The following PCDHB13 variants were observed in gnomAD, a reference collection of about 807,000 sequenced individuals.
The protein encoded by PCDHB13 is protocadherin beta-13.
For synonymous variants in PCDHB13, 515 were observed against 450.7 expected (o/e 1.14, Z -1.81); for missense variants, 1,065 against 1,016.7 (o/e 1.05, Z -0.65).
rs781902136 is a variant in PCDHB13 at position 141,215,614 on chromosome 5, C to T, written c.1491C>T (p.His497=). The T allele has an allele frequency of 1.9e-6, 3 of 1,613,350 alleles. No homozygotes were observed. Among genetic ancestry groups the T allele is most frequent in the Non-Finnish European group, 1.7e-6 (2 of 1,180,012 alleles). ...CGCTGCTGCCGCCCCAGGACCCGCA[C>T]CTGCCCCTCACATCCCTGGTCTCCA... ...TYSLLPPQDP[H]LPLTSLVSIN... Residue 497 remains histidine, a synonymous_variant, in exon 1 of 1, where the codon CAC becomes CAT. Coordinates refer to ENST00000341948, the MANE Select transcript of PCDHB13 (RefSeq NM_018933.4).
Position 141,216,542 on chromosome 5 carries a change from C to T in PCDHB13, c.*22C>T, listed in dbSNP as rs202143061. The stretch of plus-strand genomic sequence containing the variant: ...GTGACCATAGTTGACTTTTACATTC[C>T]ATAGGTATTTTATTTTGTGGCATTT... On this transcript the variant is annotated 3_prime_UTR_variant, in exon 1 of 1. Coordinates refer to ENST00000341948, the MANE Select transcript of PCDHB13 (RefSeq NM_018933.4). 940 of 1,563,332 alleles carry T rather than the reference C, an allele frequency of 6.0e-4. No homozygotes were observed. The highest frequency in any genetic ancestry group is 7.5e-4 in the Non-Finnish European group (855 of 1,133,710).
Position 141,215,203 on chromosome 5 carries a change from C to G in PCDHB13, c.1080C>G (p.Asn360Lys), listed in dbSNP as rs111778165. 1 of 1,613,848 alleles carries G rather than the reference C, an allele frequency of 6.2e-7. No individual in the cohort carries two copies. Among genetic ancestry groups the G allele is most frequent in the Admixed American group, 1.7e-5 (1 of 59,980 alleles). ...CATTTACCAGCCCAATACCTGAGAACGCGCCTGAAACTGTGGTTGCACTTT... is the reference window on the plus strand; with the variant it reads ...CATTTACCAGCCCAATACCTGAGAAGGCGCCTGAAACTGTGGTTGCACTTT... ...MSAFTSPIPE[N>K]APETVVALFS... Residue 360 changes from asparagine (N) to lysine (K), a missense_variant, in exon 1 of 1, where the codon AAC (asparagine) becomes AAG (lysine). By Grantham distance (94) the Asn-to-Lys change is moderately conservative. Transcript: ENST00000341948.
rs781971857 is a variant in PCDHB13 at position 141,214,171 on chromosome 5, T to C, written c.48T>C (p.Phe16=). The C allele has an allele frequency of 1.9e-5, 31 of 1,613,330 alleles. No individual in the cohort carries two copies. The highest frequency in any genetic ancestry group is 2.5e-5 in the Non-Finnish European group (29 of 1,179,734). Reference sequence around the variant, plus strand: ...TTTGCAGACAAAGGCAAGTCCTTTTTTCCTTTCTCCTTTTGGGCTTATCTC... The same window carrying C: ...TTTGCAGACAAAGGCAAGTCCTTTTCTCCTTTCTCCTTTTGGGCTTATCTC... ...KLICRQRQVL[F]SFLLLGLSLA... Residue 16 remains phenylalanine (F), a synonymous_variant, in exon 1 of 1, where the codon TTT becomes TTC. Transcript: ENST00000341948.
rs782732101 is a variant in PCDHB13 at position 141,215,713 on chromosome 5, C to A, written c.1590C>A (p.Arg530=). ...DYEALQGFQF[R]VGASDHGSPA... is the part of the protein sequence containing the mutation. ...AGGCCCTGCAGGGGTTCCAGTTCCG[C>A]GTGGGCGCTTCAGACCACGGCTCCC... The change falls in exon 1 of 1, where the codon CGC becomes CGA. Residue 530 remains arginine, a synonymous_variant. Coordinates refer to ENST00000341948, the MANE Select transcript of PCDHB13 (RefSeq NM_018933.4). 2 of 1,612,670 alleles carry A rather than the reference C, an allele frequency of 1.2e-6. No homozygotes were observed. The highest frequency in any genetic ancestry group is 1.7e-6 in the Non-Finnish European group (2 of 1,179,888).
In PCDHB13 at chr5:141,215,734, C is replaced by A; in HGVS notation, c.1611C>A (p.Gly537=). 6.2e-7 allele frequency: 1 copy of A among 1,612,306 alleles called. No individual in the cohort carries two copies. Among genetic ancestry groups the A allele is most frequent in the Non-Finnish European group, 8.5e-7 (1 of 1,179,842 alleles). Residue 537 remains glycine, a synonymous_variant, in exon 1 of 1, where the codon GGC becomes GGA. Transcript: ENST00000341948. Reference sequence around the variant, plus strand: ...TCCGCGTGGGCGCTTCAGACCACGGCTCCCCGGCGCTGAGCAGCGAGGCGC... The same window carrying A: ...TCCGCGTGGGCGCTTCAGACCACGGATCCCCGGCGCTGAGCAGCGAGGCGC... ...FQFRVGASDH[G]SPALSSEALV...
Position 141,215,497 on chromosome 5 carries a change from G to T in PCDHB13, c.1374G>T (p.Leu458=), listed in dbSNP as rs781812066. The change falls in exon 1 of 1, where the codon CTG becomes CTT. Residue 458 remains leucine (L), a synonymous_variant. Transcript: ENST00000341948. ...APAFTQTSYT[L]FVRENNSPAL... is the part of the protein sequence containing the mutation. ...CCTTCACCCAAACCTCCTACACCCT[G>T]TTCGTCCGCGAGAACAACAGCCCCG... 4 of 1,614,050 alleles carry T rather than the reference G, an allele frequency of 2.5e-6. No homozygotes were observed. In the Admixed American group the frequency reaches 5.0e-5, roughly 20 times the overall value.
At position 141,214,449 on chromosome 5, in the gene PCDHB13, T is replaced by G; in HGVS notation, c.326T>G (p.Val109Gly). 2 of 1,517,994 alleles carry G rather than the reference T, an allele frequency of 1.3e-6. No individual in the cohort carries two copies. The highest frequency in any genetic ancestry group is 1.8e-6 in the Non-Finnish European group (2 of 1,097,030). 94.0% of individuals were successfully genotyped at this position (1,517,994 alleles called of 1,614,324 possible). A position where few individuals can be genotyped will look rare whatever the true frequency, so the allele number is the denominator to read the frequency against. The stretch of plus-strand genomic sequence containing the variant: ...GAGCCCTGTGTGCTACGTTTCCAAG[T>G]GTTGCTAGAGAGTCCCTTCGAGTTT... ...HTEPCVLRFQ[V>G]LLESPFEFFQ... Residue 109 changes from valine (V) to glycine (G), a missense_variant, in exon 1 of 1, where the codon GTG (valine) becomes GGG (glycine). Physicochemically the swap from Val to Gly is moderately radical, Grantham distance 109 (BLOSUM62 -3). Transcript: ENST00000341948.
At position 141,215,172 on chromosome 5, in the gene PCDHB13, T is replaced by C. The variant is rs199669344; in HGVS notation, c.1049T>C (p.Met350Thr). ...DVNDHAPEVTMSAFTSPIPEN... is the reference protein window; with the variant it reads ...DVNDHAPEVTTSAFTSPIPEN... ...AACGACCATGCCCCAGAAGTTACCA[T>C]GTCTGCATTTACCAGCCCAATACCT... The change falls in exon 1 of 1, where the codon ATG becomes ACG. Residue 350 changes from methionine to threonine, a missense_variant. By Grantham distance (81) the Met-to-Thr change is moderately conservative. Transcript: ENST00000341948. 6 of 1,614,208 alleles carry C rather than the reference T, an allele frequency of 3.7e-6. No individual in the cohort carries two copies. The highest frequency in any genetic ancestry group is 4.5e-5 in the East Asian group (2 of 44,882).
Position 141,214,119 on chromosome 5 carries a change from G to C in PCDHB13, c.-5G>C. 3.1e-6 allele frequency: 5 copies of C among 1,614,144 alleles called. No individual in the cohort carries two copies. Among genetic ancestry groups the C allele is most frequent in the Non-Finnish European group, 4.2e-6 (5 of 1,180,030 alleles). On this transcript the variant is annotated 5_prime_UTR_variant, in exon 1 of 1. Transcript: ENST00000341948. ...CCTCCCAGGAAGCTGAATCCAGCAAGAACAATGGAGGCCAGCGGGAAGCTC... is the reference window on the plus strand; with the variant it reads ...CCTCCCAGGAAGCTGAATCCAGCAACAACAATGGAGGCCAGCGGGAAGCTC...
chr5:141,215,752 C>A lies in PCDHB13; in HGVS notation c.1629C>A (p.Ser543Arg), dbSNP rs150315174. Residue 543 changes from serine to arginine, a missense_variant, in exon 1 of 1, where the codon AGC becomes AGA. Coordinates refer to ENST00000341948, the MANE Select transcript of PCDHB13 (RefSeq NM_018933.4). ...ACCACGGCTCCCCGGCGCTGAGCAG[C>A]GAGGCGCTGGTGCGCGTGGTGGTGC... ...ASDHGSPALS[S>R]EALVRVVVLD... The A allele has an allele frequency of 4.4e-3, 7,081 of 1,612,040 alleles. 20 individuals carry two copies. The highest frequency in any genetic ancestry group is 5.4e-3 in the Non-Finnish European group (6,338 of 1,179,780).
rs782139660 is a variant in PCDHB13 at position 141,214,509 on chromosome 5, A to T, written c.386A>T (p.Asp129Val). The T allele has an allele frequency of 1.2e-6, 2 of 1,609,336 alleles. No individual in the cohort carries two copies. Among genetic ancestry groups the T allele is most frequent in the East Asian group, 2.2e-5 (1 of 44,838 alleles). The change falls in exon 1 of 1, where the codon GAC (aspartate) becomes GTC (valine). Residue 129 changes from aspartate to valine, a missense_variant. Transcript: ENST00000341948. ...GAGCTGCAAGTAATAGACATAAACGACCACTCTCCAGTATTTCTGGACAAA... is the reference window on the plus strand; with the variant it reads ...GAGCTGCAAGTAATAGACATAAACGTCCACTCTCCAGTATTTCTGGACAAA... The part of the protein sequence containing the change: ...QAELQVIDIN[D>V]HSPVFLDKQM...
chr5:141,214,035 G>A lies in PCDHB13; in HGVS notation c.-89G>A, dbSNP rs1754514689. 10 of 1,548,146 alleles carry A rather than the reference G, an allele frequency of 6.5e-6. No homozygotes were observed. In the South Asian group the frequency reaches 9.2e-5, roughly 14 times the overall value. Reference sequence around the variant, plus strand: ...GACTACTCACTGGCATATTTCTGAGGTATCTGTAGAATAACCACAGCCTCA... The same window carrying A: ...GACTACTCACTGGCATATTTCTGAGATATCTGTAGAATAACCACAGCCTCA... On this transcript the variant is annotated 5_prime_UTR_variant, in exon 1 of 1. Coordinates refer to ENST00000341948, the MANE Select transcript of PCDHB13 (RefSeq NM_018933.4).
Position 141,214,007 on chromosome 5 carries a change from G to C in PCDHB13, c.-117G>C. 9.6e-7 allele frequency: 1 copy of C among 1,038,398 alleles called. No homozygotes were observed. 64.3% of individuals were successfully genotyped at this position (1,038,398 alleles called of 1,614,324 possible). ...AGGGAGGACGGCTGGGTCCTCTGGA[G>C]AGGACTACTCACTGGCATATTTCTG... On this transcript the variant is annotated 5_prime_UTR_variant, in exon 1 of 1. Transcript: ENST00000341948.
At position 141,215,492 on chromosome 5, in the gene PCDHB13, A is replaced by T; in HGVS notation, c.1369A>T (p.Thr457Ser). 6.2e-7 allele frequency: 1 copy of T among 1,613,878 alleles called. No homozygotes were observed. The highest frequency in any genetic ancestry group is 8.5e-7 in the Non-Finnish European group (1 of 1,179,962). Residue 457 changes from threonine (T) to serine (S), a missense_variant, in exon 1 of 1, where the codon ACC becomes TCC. Physicochemically the swap from Thr to Ser is moderately conservative, Grantham distance 58 (BLOSUM62 1). Transcript: ENST00000341948. ...TCCCGCCTTCACCCAAACCTCCTAC[A>T]CCCTGTTCGTCCGCGAGAACAACAG... ...NAPAFTQTSY[T>S]LFVRENNSPA...
Position 141,216,127 on chromosome 5 carries a change from G to A in PCDHB13, c.2004G>A (p.Gln668=). 6.2e-7 allele frequency: 1 copy of A among 1,610,020 alleles called. No individual in the cohort carries two copies. Among genetic ancestry groups the A allele is most frequent in the Non-Finnish European group, 8.5e-7 (1 of 1,179,762 alleles). Residue 668 remains glutamine, a synonymous_variant, in exon 1 of 1, where the codon CAG becomes CAA. Coordinates refer to ENST00000341948, the MANE Select transcript of PCDHB13 (RefSeq NM_018933.4). ...LHVLLVDGFS[Q]PYLPLPEAAP... ...TGCTCCTGGTGGACGGCTTCTCCCAGCCCTACCTGCCTCTCCCGGAGGCGG... is the reference window on the plus strand; with the variant it reads ...TGCTCCTGGTGGACGGCTTCTCCCAACCCTACCTGCCTCTCCCGGAGGCGG...
rs374432821 is a variant in PCDHB13, at chr5:141,215,663, T to C, written c.1540T>C (p.Phe514Leu). Residue 514 changes from phenylalanine to leucine, a missense_variant, in exon 1 of 1, where the codon TTC (phenylalanine) becomes CTC (leucine). Phe to Leu is a conservative substitution (Grantham distance 22). Transcript: ENST00000341948. ...CATCAACGCGGACAACGGCCACCTGTTCGCCCTCAGGTCTCTGGACTACGA... is the reference window on the plus strand; with the variant it reads ...CATCAACGCGGACAACGGCCACCTGCTCGCCCTCAGGTCTCTGGACTACGA... Reference protein sequence around the residue: ...VSINADNGHLFALRSLDYEAL... With the variant: ...VSINADNGHLLALRSLDYEAL... The C allele has an allele frequency of 6.2e-7, 1 of 1,613,278 alleles. No homozygotes were observed. The highest frequency in any genetic ancestry group is 1.3e-5 in the African/African-American group (1 of 74,926).
Position 141,215,859 on chromosome 5 carries a change from C to T in PCDHB13, c.1736C>T (p.Ala579Val), listed in dbSNP as rs1243709145. 16 of 1,607,530 alleles carry T rather than the reference C, an allele frequency of 1.0e-5. No homozygotes were observed. The highest frequency in any genetic ancestry group is 1.4e-5 in the Non-Finnish European group (16 of 1,178,632). Residue 579 changes from alanine to valine, a missense_variant, in exon 1 of 1, where the codon GCG (alanine) becomes GTG (valine). By Grantham distance (64) the Ala-to-Val change is moderately conservative. Transcript: ENST00000341948. ...CCCTGCACCGAGCTGGTGCCCCGGG[C>T]GGCCGAGCCGGGCTACCTGGTGACC... is the stretch of plus-strand genomic sequence containing the variant. ...SAPCTELVPR[A>V]AEPGYLVTKV... is the part of the protein sequence containing the mutation.
chr5:141,215,068 C>A lies in PCDHB13; in HGVS notation c.945C>A (p.Ser315=), dbSNP rs782762792. 6.2e-7 allele frequency: 1 copy of A among 1,614,114 alleles called. No individual in the cohort carries two copies. ...KKQLDFEKLQ[S]YEVNIEARDA... is the part of the protein sequence containing the mutation. Reference sequence around the variant, plus strand: ...AACTCGATTTCGAAAAACTTCAGTCCTATGAAGTCAATATTGAGGCAAGAG... The same window carrying A: ...AACTCGATTTCGAAAAACTTCAGTCATATGAAGTCAATATTGAGGCAAGAG... The change falls in exon 1 of 1, where the codon TCC becomes TCA. Residue 315 remains serine (S), a synonymous_variant. Coordinates refer to ENST00000341948, the MANE Select transcript of PCDHB13 (RefSeq NM_018933.4).
Position 141,214,027 on chromosome 5 carries a change from T to C in PCDHB13, c.-97T>C. On this transcript the variant is annotated 5_prime_UTR_variant, in exon 1 of 1. Coordinates refer to ENST00000341948, the MANE Select transcript of PCDHB13 (RefSeq NM_018933.4). The stretch of plus-strand genomic sequence containing the variant: ...CTGGAGAGGACTACTCACTGGCATA[T>C]TTCTGAGGTATCTGTAGAATAACCA... The C allele has an allele frequency of 2.7e-6, 4 of 1,491,636 alleles. No individual in the cohort carries two copies. The highest frequency in any genetic ancestry group is 1.8e-4 in the Middle Eastern group (1 of 5,714). The allele number at this position is 1,491,636 out of a possible 1,614,324, so 92.4% of individuals were successfully genotyped here.
Sources: allele counts gnomAD v4.1 joint callset, GRCh38; gene constraint gnomAD v4.1.1; transcripts MANE v1.5; gene names NCBI Gene and HGNC (gene_info 2026-07-23, HGNC 2026-07-21).